GAS2: variants seen among roughly 807,000 people sequenced by gnomAD.
GAS2 encodes growth arrest specific 2.
GAS2 carries 20 observed loss-of-function variants against 37.5 expected under a neutral mutation model. That is an observed-to-expected ratio of 0.53 (90% CI 0.37 to 0.77). The LOEUF is 0.77. Among genes scored for constraint, GAS2 ranks in the 30% least tolerant of loss-of-function variants. The probability of loss-of-function intolerance (pLI) is 0.00; values close to 1 mark genes in which losing one functional copy is unlikely to be tolerated. For missense variants in GAS2, 336 were observed against 373.4 expected (o/e 0.90, Z 0.82); for synonymous variants, 144 against 132.2 (o/e 1.09, Z -0.61).
intron 7 of GAS2, among the ~76,000 whole-genome samples, chr11:22,806,934 A>G (rs1211070441): frequency 6.6e-6 from 1 of 152,182 alleles, no homozygotes; most frequent in East Asian, 1.9e-4. Context: ...ATATGAAATC[A>G]ATATTCTTCT....
intron 7 of GAS2, among the ~76,000 whole-genome samples, chr11:22,779,253 A>T (rs1855428022): frequency 6.6e-6 from 1 of 152,044 alleles, no homozygotes; most frequent in Non-Finnish European, 1.5e-5. Flanking sequence ...CTAGTTTTGG[A>T]GATGATGGAG....
intron 1 of GAS2, among the ~76,000 whole-genome samples, chr11:22,639,483 T>C (rs1236111943): frequency 6.6e-6 from 1 of 152,182 alleles, no homozygotes; most frequent in Non-Finnish European, 1.5e-5. Context: ...CAGCAGAAAA[T>C]GGACTGAAAC....
At chr11:22,676,042 A>T (rs1383029) in intron 2 of GAS2, among the ~76,000 whole-genome samples, 2,868 of 151,934 alleles carry the variant, frequency 0.019, 87 homozygotes, top group African/African-American at 0.065. Flanking sequence ...GGATTTCTTT[A>T]TCCTATATTT....
chr11:22,791,427 C>T (rs530243635), intron 7 of GAS2, among the ~76,000 whole-genome samples: 20 of 152,222 alleles, frequency 1.3e-4, no homozygotes, highest in Non-Finnish European at 2.2e-4. Flanking sequence ...ACATGCTTTT[C>T]GCAACTACTT....
chr11:22,646,889 T>TTTTC (rs1848702084), intron 1 of GAS2, among the ~76,000 whole-genome samples: 2 of 151,088 alleles, frequency 1.3e-5, no homozygotes. Context: ...CTTTCTTTCT[T>TTTTC]TTTCTTTCTT....
intron 2 of GAS2, among the ~76,000 whole-genome samples, chr11:22,682,427 C>T (rs2928339): frequency 0.37 from 55,976 of 151,768 alleles, 11,313 homozygotes; most frequent in African/African-American, 0.55. Context: ...CTATTACAAA[C>T]GTAGAAAATC....
chr11:22,788,258 A>G (rs1328384142), intron 7 of GAS2, among the ~76,000 whole-genome samples: 5 of 152,230 alleles, frequency 3.3e-5, no homozygotes, highest in Admixed American at 6.5e-5. Flanking sequence ...GAGATTTAGA[A>G]TATGAAGAAA....
intron 1 of GAS2, among the ~76,000 whole-genome samples, chr11:22,631,728 T>G (rs1858746897): frequency 6.6e-6 from 1 of 152,068 alleles, no homozygotes; most frequent in Admixed American, 6.6e-5. Context: ...TTGCTAGTAT[T>G]TTGTTGAATT....
intron 3 of GAS2, among the ~76,000 whole-genome samples, chr11:22,717,515 G>C (rs1032693783): frequency 6.6e-6 from 1 of 151,750 alleles, no homozygotes; most frequent in Non-Finnish European, 1.5e-5. Context: ...ACCTGAAACT[G>C]TAAAAATTCT....
intron 2 of GAS2, among the ~76,000 whole-genome samples, chr11:22,684,790 T>C (rs1225679274): frequency 6.6e-6 from 1 of 152,128 alleles, no homozygotes; most frequent in Non-Finnish European, 1.5e-5. Flanking sequence ...GGCTGGTCTC[T>C]AACTCACGAG....
intron 7 of GAS2, among the ~76,000 whole-genome samples, chr11:22,806,577 A>C (rs983274459): frequency 6.6e-6 from 1 of 152,192 alleles, no homozygotes; most frequent in African/African-American, 2.4e-5. Flanking sequence ...AATAATGTGT[A>C]AAGGTTCCCT....
intron 2 of GAS2, among the ~76,000 whole-genome samples, 190 bp downstream of exon 2, chr11:22,675,204 A>T (rs776410811): frequency 2.0e-5 from 3 of 152,220 alleles, no homozygotes; most frequent in Admixed American, 6.5e-5. Context: ...TGTCATATTA[A>T]CTGTGCTTAG....
chr11:22,794,494 G>A (rs570729313), intron 7 of GAS2, among the ~76,000 whole-genome samples: 1 of 152,102 alleles, frequency 6.6e-6, no homozygotes, highest in Non-Finnish European at 1.5e-5. Context: ...GGAAGATGAC[G>A]ATCTAGCCAT....
At chr11:22,799,290 G>A (rs1856560260) in intron 7 of GAS2, among the ~76,000 whole-genome samples, 1 of 151,992 alleles carries the variant, frequency 6.6e-6, no homozygotes, top group Non-Finnish European at 1.5e-5. Context: ...TGGCACTTAA[G>A]CATTAAAAGA....
intron 7 of GAS2, among the ~76,000 whole-genome samples, chr11:22,776,736 A>C (rs1855280216): frequency 6.6e-6 from 1 of 152,152 alleles, no homozygotes; most frequent in South Asian, 2.1e-4. Flanking sequence ...AGAGTTTCAG[A>C]AAATATCTTT....
At chr11:22,734,811 C>A (rs1852665041) in intron 4 of GAS2, among the ~76,000 whole-genome samples, 1 of 151,702 alleles carries the variant, frequency 6.6e-6, no homozygotes, top group African/African-American at 2.4e-5. Context: ...ACACCCAGAT[C>A]TTTGTGGCTT....
intron 1 of GAS2, among the ~76,000 whole-genome samples, chr11:22,629,070 A>G (rs1858708937): frequency 6.6e-6 from 1 of 151,946 alleles, no homozygotes. Flanking sequence ...CCACTTTTCA[A>G]TTGATGGGCC....
At chr11:22,676,641 G>A (rs760743768) in intron 2 of GAS2, among the ~76,000 whole-genome samples, 1 of 152,030 alleles carries the variant, frequency 6.6e-6, no homozygotes, top group Non-Finnish European at 1.5e-5. Flanking sequence ...ACAGTATCTG[G>A]CCCTAGTAAA....
At chr11:22,664,447 G>T (rs1257384676), upstream of GAS2, among the ~76,000 whole-genome samples, 1 of 152,146 alleles carries the variant, frequency 6.6e-6, no homozygotes, top group African/African-American at 2.4e-5. Context: ...ACATAGTAAT[G>T]CAGAAATTTC....
Sources: allele counts gnomAD v4.1 joint callset (sites outside exome capture counted in the v4.1 genomes callset), GRCh38; gene constraint gnomAD v4.1.1; transcripts MANE v1.5; gene names NCBI Gene and HGNC (gene_info 2026-07-23, HGNC 2026-07-21).